JAK3: variants seen among roughly 807,000 people sequenced by gnomAD.
JAK3 encodes the protein tyrosine-protein kinase JAK3.
In JAK3, 88 loss-of-function variants were observed where a neutral mutation model predicts 120.8. The observed-to-expected ratio is 0.73, with a 90% CI of 0.61 to 0.87. JAK3 has a LOEUF of 0.87. Ranked by LOEUF, JAK3 falls within the 40% of genes least tolerant of loss-of-function variation. The pLI, the probability that JAK3 is intolerant of heterozygous loss-of-function variation, is 0.00. For synonymous variants in JAK3, 592 were observed against 628.6 expected, an observed-to-expected ratio of 0.94 and a Z score of 0.87; for missense variants, 1,254 against 1,501.4, an observed-to-expected ratio of 0.84 and a Z score of 2.72.
intron 13 of JAK3, chr19:17,836,619 G>A: frequency 2.6e-6 from 1 of 386,998 alleles, no homozygotes; most frequent in South Asian, 2.8e-5. Context: ...CCTCTGCCTA[G>A]AACACCCCTC....
In JAK3 at chr19:17,843,782, C is replaced by G; in HGVS notation, c.303G>C (p.Arg101Ser). Residue 101 changes from arginine to serine, a missense_variant, in exon 3 of 24, where the codon AGG (arginine) becomes AGC (serine). This residue lies in a region of JAK3 where 138 missense variants were observed against 178.7 expected (regional missense o/e 0.77). Transcript: ENST00000458235. The surrounding 1 kb of genome is among the most constrained non-coding windows in gnomAD (Gnocchi z 5.4). Reference sequence around the variant, plus strand: ...GGCTGGGGGGCACTTCCTACCGAATCCTGTACAGCAGGACTTGGGTGCTGG... The same window carrying G: ...GGCTGGGGGGCACTTCCTACCGAATGCTGTACAGCAGGACTTGGGTGCTGG... ...EDASTQVLLY[R>S]IRFYFPNWFG... The G allele has an allele frequency of 6.2e-7, 1 of 1,613,580 alleles. No individual in the cohort carries two copies. Among genetic ancestry groups the G allele is most frequent in the Non-Finnish European group, 8.5e-7 (1 of 1,179,994 alleles).
In JAK3 at chr19:17,843,699, G is replaced by A; in HGVS notation, c.308+78C>T. 6.5e-7 allele frequency: 1 copy of A among 1,546,898 alleles called. No individual in the cohort carries two copies. The highest frequency in any genetic ancestry group is 8.9e-7 in the Non-Finnish European group (1 of 1,120,490). On this transcript the variant is annotated intron_variant, in intron 3 of 23. Transcript: ENST00000458235. The surrounding 1 kb of genome is among the most constrained non-coding windows in gnomAD (Gnocchi z 5.4). ...ATGGGTAGTGACCATACCTCCCTGGGGCAGGGGTGTGGGCACCTCGAAATG... is the reference window on the plus strand; with the variant it reads ...ATGGGTAGTGACCATACCTCCCTGGAGCAGGGGTGTGGGCACCTCGAAATG...
In JAK3 at chr19:17,843,617, G is replaced by T; in HGVS notation, c.309-126C>A. On this transcript the variant is annotated intron_variant, in intron 3 of 23. Transcript: ENST00000458235. This position sits in a 1 kb window ranked among gnomAD's most constrained non-coding sequence, Gnocchi z 5.4. ...AGAGCCCAGCTTGTACCTTTAACTT[G>T]CTGTGTGACCTTGGGCAAGTGACCC... 2 of 1,192,864 alleles carry T rather than the reference G, an allele frequency of 1.7e-6. No homozygotes were observed. Among genetic ancestry groups the T allele is most frequent in the Non-Finnish European group, 2.5e-6 (2 of 800,558 alleles). 73.9% of individuals were successfully genotyped at this position (1,192,864 alleles called of 1,614,324 possible). A position where few individuals can be genotyped will look rare whatever the true frequency, so the allele number is the denominator to read the frequency against.
intron 12 of JAK3, 139 bp downstream of exon 12, chr19:17,837,793 G>C: frequency 7.9e-7 from 1 of 1,260,228 alleles, no homozygotes; most frequent in Non-Finnish European, 1.1e-6. Flanking sequence ...CCATCCTCCT[G>C]CCTCAGCCTC....
chr19:17,838,527 T>C, intron 10 of JAK3, 137 bp from the exon 11 acceptor site: 2 of 957,970 alleles, frequency 2.1e-6, no homozygotes, highest in South Asian at 2.7e-5. Flanking sequence ...CATGGCTTTT[T>C]GTTGTTGTTT....
At chr19:17,846,196 G>C (rs1010265753) in intron 1 of JAK3, among the ~76,000 whole-genome samples, 1 of 152,166 alleles carries the variant, frequency 6.6e-6, no homozygotes, top group Non-Finnish European at 1.5e-5. Flanking sequence ...TGACTCCCCA[G>C]CATCCTCATT....
intron 17 of JAK3, among the ~76,000 whole-genome samples, chr19:17,833,903 T>C (rs1052638109): frequency 1.3e-5 from 2 of 152,066 alleles, no homozygotes; most frequent in Non-Finnish European, 2.9e-5. Flanking sequence ...TGCATCACCA[T>C]GCCTGGCTAA....
chr19:17,841,399 C>A lies in JAK3; in HGVS notation c.1132G>T (p.Gly378Cys). The change falls in exon 8 of 24, where the codon GGC (glycine) becomes TGC (cysteine). Residue 378 changes from glycine to cysteine, a missense_variant. Gly to Cys is a radical substitution (Grantham distance 159). Coordinates refer to ENST00000458235, the MANE Select transcript of JAK3 (RefSeq NM_000215.4). This position sits in a 1 kb window ranked among gnomAD's most constrained non-coding sequence, Gnocchi z 4.1. The stretch of plus-strand genomic sequence containing the variant: ...GGGACAGGTCCTTACGTGATGGGGC[C>A]GTGGCACTGCTCGGCCACTTCCTCC... ...LLEEVAEQCH[G>C]PITLDFAINK... The A allele has an allele frequency of 6.4e-7, 1 of 1,550,482 alleles. No homozygotes were observed.
In JAK3 at chr19:17,831,479, A is replaced by C; in HGVS notation, c.2806-79T>G. The C allele has an allele frequency of 3.2e-6, 5 of 1,576,636 alleles. No individual in the cohort carries two copies. The South Asian group carries it at 4.4e-5, about 14-fold the overall frequency. On this transcript the variant is annotated intron_variant, in intron 20 of 23. Coordinates refer to ENST00000458235, the MANE Select transcript of JAK3 (RefSeq NM_000215.4). This position sits in a 1 kb window ranked among gnomAD's most constrained non-coding sequence, Gnocchi z 5.1. ...TACCCCAAGCGTGACCTGGCACCCCAACCCAGACCCCAACTATAACCCTAC... is the reference window on the plus strand; with the variant it reads ...TACCCCAAGCGTGACCTGGCACCCCCACCCAGACCCCAACTATAACCCTAC...
At chr19:17,834,440 T>A in intron 17 of JAK3, 131 bp downstream of exon 17, 1 of 891,270 alleles carries the variant, frequency 1.1e-6, no homozygotes, top group Non-Finnish European at 1.8e-6. Flanking sequence ...AAGCTCACAC[T>A]GACTGTCACA....
Position 17,839,627 on chromosome 19 carries a change from G to A in JAK3, c.1291C>T (p.Arg431Trp), listed in dbSNP as rs1274345651. Residue 431 changes from arginine (R) to tryptophan (W), a missense_variant, in exon 10 of 24, where the codon CGG (arginine) becomes TGG (tryptophan). By Grantham distance (101) the Arg-to-Trp change is moderately radical. This residue lies in a region of JAK3 where 486 missense variants were observed against 503.0 expected (regional missense o/e 0.97). Coordinates refer to ENST00000458235, the MANE Select transcript of JAK3 (RefSeq NM_000215.4). ...AGGAAGGTTCCTGTGGGGCTGCGCC[G>A]GATGAGGCAGCCCTTATAATCAGGA... ...LGPDYKGCLI[R>W]RSPTGTFLLV... is the part of the protein sequence containing the mutation. 11 of 1,611,684 alleles carry A rather than the reference G, an allele frequency of 6.8e-6. No homozygotes were observed. The highest frequency in any genetic ancestry group is 2.7e-5 in the African/African-American group (2 of 74,918).
At chr19:17,826,994 T>G in intron 23 of JAK3, 84 bp from the exon 24 acceptor site, 1 of 1,473,988 alleles carries the variant, frequency 6.8e-7, no homozygotes. Flanking sequence ...GTTTTTGTTT[T>G]TTTGAGACGG....
In JAK3 at chr19:17,831,950, T is replaced by G; in HGVS notation, c.2681-152A>C. 44 of 916,846 alleles carry G rather than the reference T, an allele frequency of 4.8e-5. No individual in the cohort carries two copies. Among genetic ancestry groups the G allele is most frequent in the Non-Finnish European group, 6.3e-5 (37 of 586,088 alleles). 56.8% of individuals were successfully genotyped at this position (916,846 alleles called of 1,614,324 possible). A position where few individuals can be genotyped will look rare whatever the true frequency, so the allele number is the denominator to read the frequency against. On this transcript the variant is annotated intron_variant, in intron 19 of 23. Transcript: ENST00000458235. This position sits in a 1 kb window ranked among gnomAD's most constrained non-coding sequence, Gnocchi z 5.1. ...AACAATGACACATTGCTAATATCTC[T>G]TGAGTACTTTCTACAACATACATTG...
chr19:17,843,281 C>T lies in JAK3; in HGVS notation c.420+99G>A. ...GCTGACCCCCACCCCTGGACTGCCA[C>T]AGGGAGGGTCAGACGAGGCCCCACC... On this transcript the variant is annotated intron_variant, in intron 4 of 23. Coordinates refer to ENST00000458235, the MANE Select transcript of JAK3 (RefSeq NM_000215.4). This position sits in a 1 kb window ranked among gnomAD's most constrained non-coding sequence, Gnocchi z 5.4. 1 of 1,532,704 alleles carries T rather than the reference C, an allele frequency of 6.5e-7. No individual in the cohort carries two copies. The highest frequency in any genetic ancestry group is 8.8e-7 in the Non-Finnish European group (1 of 1,130,804). The allele number at this position is 1,532,704 out of a possible 1,614,324, so 94.9% of individuals were successfully genotyped here.
At chr19:17,827,417 G>A (rs973218945) in intron 23 of JAK3, among the ~76,000 whole-genome samples, 3 of 151,294 alleles carry the variant, frequency 2.0e-5, no homozygotes, top group African/African-American at 7.3e-5. Flanking sequence ...GTGCGATCTC[G>A]GCTCACTGCA....
intron 1 of JAK3, among the ~76,000 whole-genome samples, chr19:17,844,852 G>A (rs2094248699): frequency 6.6e-6 from 1 of 151,322 alleles, no homozygotes; most frequent in South Asian, 2.1e-4. Context: ...GCCTCCCTGG[G>A]ATGGGCCCAG....
chr19:17,834,122 C>T (rs927592907), intron 17 of JAK3, among the ~76,000 whole-genome samples: 4 of 152,040 alleles, frequency 2.6e-5, no homozygotes, highest in South Asian at 2.1e-4. Flanking sequence ...TAGAGGTGGG[C>T]GGATCACCTG....
chr19:17,826,486 T>A lies in JAK3; in HGVS notation c.*257A>T, dbSNP rs1006947841. ...TTGGGAAGATGCGAGAGTCTTAAATTTGGTTCCTTGCTTCTTTGGGCCAGG... is the reference window on the plus strand; with the variant it reads ...TTGGGAAGATGCGAGAGTCTTAAATATGGTTCCTTGCTTCTTTGGGCCAGG... On this transcript the variant is annotated 3_prime_UTR_variant, in exon 24 of 24. Coordinates refer to ENST00000458235, the MANE Select transcript of JAK3 (RefSeq NM_000215.4). The A allele has an allele frequency of 2.2e-5, 12 of 548,850 alleles. No homozygotes were observed. The highest frequency in any genetic ancestry group is 9.1e-5 in the Admixed American group (3 of 33,012). The allele number at this position is 548,850 out of a possible 1,614,324, so 34.0% of individuals were successfully genotyped here.
rs551620176 is a variant in JAK3 at position 17,842,875 on chromosome 19, G to C, written c.566+152C>G. The C allele has an allele frequency of 2.8e-6, 3 of 1,075,654 alleles. No homozygotes were observed. In the South Asian group the frequency reaches 4.1e-5, roughly 15 times the overall value. 66.6% of individuals were successfully genotyped at this position (1,075,654 alleles called of 1,614,324 possible). ...GTCTGTCCAGCTGGAGCCTGGGGGT[G>C]GAGAGGGCTGGGTTCGTGGGAGGCC... On this transcript the variant is annotated intron_variant, in intron 5 of 23. Coordinates refer to ENST00000458235, the MANE Select transcript of JAK3 (RefSeq NM_000215.4). The surrounding 1 kb of genome is among the most constrained non-coding windows in gnomAD (Gnocchi z 6.4).
Sources: gnomAD v4.1 joint callset for allele counts (sites outside exome capture counted in the v4.1 genomes callset) on GRCh38, gnomAD v4.1.1 for gene constraint, gnomAD v4.1.1 regional missense constraint, Gnocchi (gnomAD v3.1) non-coding constraint, MANE v1.5 for transcripts, NCBI Gene and HGNC (gene_info 2026-07-23, HGNC 2026-07-21) for gene names.